CDH9: variants seen among roughly 807,000 people sequenced by gnomAD.
CDH9 encodes cadherin 9.
A neutral mutation model predicts 70.9 loss-of-function variants in CDH9; 28 were observed. The ratio of observed to expected loss-of-function variants is 0.40; its 90% CI spans 0.29 to 0.54. The LOEUF (loss-of-function observed/expected upper bound fraction) is 0.54, where lower values mean the gene tolerates loss of function less well. Among genes scored for constraint, CDH9 ranks in the 20% least tolerant of loss-of-function variants. The pLI is 0.59. For missense variants in CDH9, 874 were observed against 984.4 expected (o/e 0.89, Z 1.50); for synonymous variants, 409 against 343.1 (o/e 1.19, Z -2.12).
intron 2 of CDH9, among the ~76,000 whole-genome samples, chr5:26,935,578 G>A (rs967320571): frequency 2.6e-5 from 4 of 152,130 alleles, no homozygotes; most frequent in African/African-American, 9.7e-5. Context: ...CTGCAAGAAT[G>A]GCCACAACTA....
At chr5:26,936,841 T>C (rs1741566971) in intron 2 of CDH9, among the ~76,000 whole-genome samples, 1 of 150,978 alleles carries the variant, frequency 6.6e-6, no homozygotes, top group Non-Finnish European at 1.5e-5. Flanking sequence ...ATATAGACCT[T>C]ATAGCCTTCA....
Position 26,993,109 on chromosome 5 carries a change from A to C in CDH9, c.-49-4727T>G, listed in dbSNP as rs556862263. Among the ~76,000 whole-genome samples the C allele has an allele frequency of 1.9e-3, 295 of 152,074 alleles. 1 individual carries two copies. Among genetic ancestry groups the C allele is most frequent in the Non-Finnish European group, 2.8e-3 (190 of 67,972 alleles). On this transcript the variant is annotated intron_variant, in intron 1 of 11. Transcript: ENST00000231021. Reference sequence around the variant, plus strand: ...AGGGTGAAACTCCGTCTCCAAAAAAAAAAAAAAAAAGCATATCTAAGTAAC... The same window carrying C: ...AGGGTGAAACTCCGTCTCCAAAAAACAAAAAAAAAAGCATATCTAAGTAAC...
intron 1 of CDH9, among the ~76,000 whole-genome samples, chr5:27,032,736 TAATATAAAGTA>T (rs1743330202): frequency 6.6e-6 from 1 of 151,574 alleles, no homozygotes; most frequent in Non-Finnish European, 1.5e-5. Flanking sequence ...GTATCATTTT[TAATATAAAGTA>T]AATATACAAT....
chr5:26,970,014 C>G (rs1015528102), intron 2 of CDH9, among the ~76,000 whole-genome samples: 3 of 150,502 alleles, frequency 2.0e-5, no homozygotes, highest in South Asian at 4.2e-4. Context: ...ATACCAAAAC[C>G]AATTTTAAGT....
At chr5:27,007,508 A>T (rs192947221) in intron 1 of CDH9, among the ~76,000 whole-genome samples, 1 of 152,152 alleles carries the variant, frequency 6.6e-6, no homozygotes, top group Admixed American at 6.6e-5. Flanking sequence ...TCAAGAGTTT[A>T]TTATGAATTT....
At chr5:26,906,670 A>G (rs369293792) in intron 4 of CDH9, 49 bp downstream of exon 4, 4 of 1,573,244 alleles carry the variant, frequency 2.5e-6, no homozygotes, top group Non-Finnish European at 3.5e-6. Context: ...TTAATTATGC[A>G]TCTTAATGTA....
chr5:27,029,434 G>A (rs895290323), intron 1 of CDH9, among the ~76,000 whole-genome samples: 1 of 151,974 alleles, frequency 6.6e-6, no homozygotes, highest in African/African-American at 2.4e-5. Flanking sequence ...ATAAAGATCA[G>A]TTCCAAGCTA....
At chr5:26,893,360 T>C (rs1012428833) in intron 7 of CDH9, among the ~76,000 whole-genome samples, 6 of 152,196 alleles carry the variant, frequency 3.9e-5, no homozygotes, top group African/African-American at 1.4e-4. Context: ...AAAACTTATA[T>C]ACTTGGTCTC....
At position 26,886,033 on chromosome 5, in the gene CDH9, G is replaced by T; in HGVS notation, c.1563C>A (p.His521Gln). 6.2e-7 allele frequency: 1 copy of T among 1,612,658 alleles called. No individual in the cohort carries two copies. Among genetic ancestry groups the T allele is most frequent in the Non-Finnish European group, 8.5e-7 (1 of 1,179,610 alleles). ...VMDKDDPPRG[H>Q]KFFFEPVPEF... is the part of the protein sequence containing the mutation. ...CTGGCACTGGTTCAAAAAAGAATTT[G>T]TGACCTCGGGGAGGGTCATCCTTAT... Residue 521 changes from histidine to glutamine, a missense_variant, in exon 10 of 12, where the codon CAC becomes CAA. Physicochemically the swap from His to Gln is conservative, Grantham distance 24. Coordinates refer to ENST00000231021, the MANE Select transcript of CDH9 (RefSeq NM_016279.4).
intron 2 of CDH9, among the ~76,000 whole-genome samples, chr5:26,974,577 G>A (rs1451001753): frequency 6.6e-6 from 1 of 152,060 alleles, no homozygotes; most frequent in Non-Finnish European, 1.5e-5. Flanking sequence ...ATAGTTTCAG[G>A]AATAAACTTG....
chr5:26,901,516 G>A (rs1740853517), intron 7 of CDH9, among the ~76,000 whole-genome samples: 1 of 151,776 alleles, frequency 6.6e-6, no homozygotes, highest in Non-Finnish European at 1.5e-5. Flanking sequence ...TATATATTTA[G>A]TATTGTGATT....
intron 2 of CDH9, among the ~76,000 whole-genome samples, chr5:26,928,531 G>T (rs1273035981): frequency 6.6e-6 from 1 of 151,992 alleles, no homozygotes. Flanking sequence ...ACCTAGAGTA[G>T]CCAAAGTTAT....
intron 11 of CDH9, among the ~76,000 whole-genome samples, chr5:26,882,293 C>T (rs1227670291): frequency 6.6e-6 from 1 of 152,008 alleles, no homozygotes; most frequent in East Asian, 1.9e-4. Context: ...GTGCAAAACA[C>T]CTCAGACTGT....
intron 2 of CDH9, among the ~76,000 whole-genome samples, chr5:26,982,898 G>C (rs1742423933): frequency 6.6e-6 from 1 of 151,816 alleles, no homozygotes; most frequent in Admixed American, 6.6e-5. Context: ...TCTTGGCAAG[G>C]CTGGTCTCAA....
In CDH9 at chr5:26,881,489, C is replaced by T. The variant is rs1244493148; in HGVS notation, c.2017G>A (p.Asp673Asn). 6.2e-7 allele frequency: 1 copy of T among 1,613,690 alleles called. No individual in the cohort carries two copies. Among genetic ancestry groups the T allele is most frequent in the Non-Finnish European group, 8.5e-7 (1 of 1,179,818 alleles). ...TCTGGATTCCTTAATGTGCCAATGT[C>T]AAAAGCTTGGGTATCTTCTTCCCCG... ...GGGEEDTQAFDIGTLRNPEAR... is the reference protein window; with the variant it reads ...GGGEEDTQAFNIGTLRNPEAR... Residue 673 changes from aspartate (D) to asparagine (N), a missense_variant, in exon 12 of 12, where the codon GAC becomes AAC. By Grantham distance (23) the Asp-to-Asn change is conservative. Transcript: ENST00000231021.
intron 2 of CDH9, among the ~76,000 whole-genome samples, chr5:26,928,523 C>G (rs1439018379): frequency 6.6e-6 from 1 of 151,914 alleles, no homozygotes; most frequent in East Asian, 1.9e-4. Context: ...CACAGAAGAC[C>G]TAGAGTAGCC....
At chr5:27,026,759 T>C (rs1257938088) in intron 1 of CDH9, among the ~76,000 whole-genome samples, 2 of 151,966 alleles carry the variant, frequency 1.3e-5, no homozygotes, top group African/African-American at 4.8e-5. Flanking sequence ...TTAACTCCAG[T>C]TGACAATGCA....
In CDH9 at chr5:26,969,888, G is replaced by A. The variant is rs1003909795; in HGVS notation, c.228+18218C>T. Among the ~76,000 whole-genome samples the A allele has an allele frequency of 2.7e-5, 4 of 149,960 alleles. No individual in the cohort carries two copies. In the South Asian group the frequency reaches 6.3e-4, roughly 23 times the overall value. ...TGGCTGGTTAAAAAATGTGTGTAAC[G>A]TGTGTGTATGTCTGTGAGTGCATAT... is the stretch of plus-strand genomic sequence containing the variant. On this transcript the variant is annotated intron_variant, in intron 2 of 11. Transcript: ENST00000231021.
intron 1 of CDH9, among the ~76,000 whole-genome samples, chr5:27,010,455 A>G (rs1392069484): frequency 2.0e-5 from 3 of 152,080 alleles, no homozygotes; most frequent in Non-Finnish European, 2.9e-5. Context: ...CCTCATCTCC[A>G]TTACTTTACA....
Sources: gnomAD v4.1 joint callset for allele counts (sites outside exome capture counted in the v4.1 genomes callset) on GRCh38, gnomAD v4.1.1 for gene constraint, MANE v1.5 for transcripts, NCBI Gene and HGNC (gene_info 2026-07-23, HGNC 2026-07-21) for gene names.